Variants in SEPTIN7 observed in about 807,000 individuals in gnomAD.
The protein encoded by SEPTIN7 is septin 7, also known as septin-7.
SEPTIN7 carries 10 observed loss-of-function variants against 63.3 expected under a neutral mutation model. That is an observed-to-expected ratio of 0.16 (90% confidence interval 0.10 to 0.27). SEPTIN7 has a LOEUF of 0.27. SEPTIN7 is among the 10% of genes least tolerant of loss of function. The pLI is 1.00. For missense variants in SEPTIN7, 310 were observed against 521.0 expected (o/e 0.59, Z 3.94); for synonymous variants, 131 against 165.3 (o/e 0.79, Z 1.59).
chr7:35,886,194 T>C (rs1415574840), intron 10 of SEPTIN7, among the ~76,000 whole-genome samples: 4 of 152,206 alleles, frequency 2.6e-5, no homozygotes, highest in African/African-American at 9.7e-5. Flanking sequence ...GTGAAAACCT[T>C]GTGAAAACTA....
At chr7:35,860,457 T>G (rs1198328095) in intron 3 of SEPTIN7, among the ~76,000 whole-genome samples, 1 of 152,206 alleles carries the variant, frequency 6.6e-6, no homozygotes, top group Non-Finnish European at 1.5e-5. Context: ...ATCTTTATAT[T>G]GCTTTGAGTT....
At chr7:35,819,289 T>G (rs1789268414) in intron 1 of SEPTIN7, among the ~76,000 whole-genome samples, 1 of 152,172 alleles carries the variant, frequency 6.6e-6, no homozygotes, top group Non-Finnish European at 1.5e-5. Flanking sequence ...ATTTCTAACT[T>G]CATTCTCTAG....
intron 1 of SEPTIN7, among the ~76,000 whole-genome samples, chr7:35,829,022 T>C (rs1288162913): frequency 6.6e-6 from 1 of 152,128 alleles, no homozygotes; most frequent in African/African-American, 2.4e-5. Flanking sequence ...TACTTCCTAC[T>C]TTGGCTGAGT....
intron 4 of SEPTIN7, among the ~76,000 whole-genome samples, chr7:35,871,759 G>T (rs1191031580): frequency 3.3e-5 from 5 of 152,166 alleles, no homozygotes; most frequent in African/African-American, 1.2e-4. Flanking sequence ...ATAAGGACTT[G>T]TTATCCTTAT....
intron 3 of SEPTIN7, among the ~76,000 whole-genome samples, chr7:35,849,265 A>G (rs1303622808): frequency 6.6e-6 from 1 of 152,156 alleles, no homozygotes; most frequent in Non-Finnish European, 1.5e-5. Flanking sequence ...TTTTGGCACC[A>G]GGGACTGGTT....
At chr7:35,815,252 A>G in intron 1 of SEPTIN7, 1 of 374,994 alleles carries the variant, frequency 2.7e-6, no homozygotes, top group Non-Finnish European at 5.2e-6. Flanking sequence ...AGTGATTAAG[A>G]ACCAAGATCT....
intron 3 of SEPTIN7, chr7:35,847,865 T>A (rs1466018143): frequency 6.6e-6 from 1 of 152,228 alleles, no homozygotes; most frequent in Non-Finnish European, 1.5e-5. Flanking sequence ...AAAGAATCTA[T>A]AGGTTATCTA....
chr7:35,861,413 ACACTGGCTGTGTAC>A (rs1785502819), intron 3 of SEPTIN7, among the ~76,000 whole-genome samples: 1 of 152,182 alleles, frequency 6.6e-6, no homozygotes, highest in Non-Finnish European at 1.5e-5. Context: ...CTTCAGTTGC[ACACTGGCTGTGTAC>A]TACTGGGGCA....
At chr7:35,841,463 AAC>A (rs1272590396) in intron 3 of SEPTIN7, among the ~76,000 whole-genome samples, 2 of 152,138 alleles carry the variant, frequency 1.3e-5, no homozygotes, top group Non-Finnish European at 2.9e-5. Context: ...AGTGTCGAAA[AAC>A]ACAGCTATCC....
chr7:35,865,611 G>A (rs944527048), intron 4 of SEPTIN7, among the ~76,000 whole-genome samples: 2 of 151,392 alleles, frequency 1.3e-5, no homozygotes, highest in Admixed American at 6.6e-5. Context: ...GGCACTCATT[G>A]CTGTTGTGTG....
intron 3 of SEPTIN7, among the ~76,000 whole-genome samples, chr7:35,853,050 G>C (rs1389185624): frequency 6.6e-6 from 1 of 152,126 alleles, no homozygotes; most frequent in East Asian, 1.9e-4. Flanking sequence ...CAAGATTAAA[G>C]GCTGTTGAAC....
intron 3 of SEPTIN7, among the ~76,000 whole-genome samples, chr7:35,840,224 C>CCCCCCTTT (rs1308976451): frequency 4.5e-5 from 4 of 88,596 alleles, no homozygotes; most frequent in Admixed American, 1.2e-4. Context: ...CTCCCCCCTT[C>CCCCCCTTT]CCCCCTTTCC....
chr7:35,872,685 T>A lies in SEPTIN7; in HGVS notation c.296T>A (p.Leu99Ter). ...KTVQVEQSKVLIKEGGVQLLL... is the reference protein window; with the variant it reads ...KTVQVEQSKV ...TTACAGGTGGAACAATCCAAAGTTT[T>A]AATCAAAGAAGGTGGTGTTCAGTTG... is the stretch of plus-strand genomic sequence containing the variant. The change falls in exon 5 of 14, where the codon TTA becomes TAA. Residue 99 changes from leucine (L) to a stop codon, truncating the protein, a stop_gained. Transcript: ENST00000350320. LOFTEE classifies it high-confidence loss of function. 6.2e-7 allele frequency: 1 copy of A among 1,612,234 alleles called. No homozygotes were observed. Among genetic ancestry groups the A allele is most frequent in the Non-Finnish European group, 8.5e-7 (1 of 1,178,464 alleles).
At chr7:35,830,592 C>T (rs547995623) in intron 1 of SEPTIN7, among the ~76,000 whole-genome samples, 4 of 152,162 alleles carry the variant, frequency 2.6e-5, no homozygotes, top group South Asian at 4.2e-4. Flanking sequence ...TGAGGAAGTT[C>T]GGAAGTCATT....
In SEPTIN7 at chr7:35,832,794, T is replaced by C. The variant is rs755177179; in HGVS notation, c.67-4T>C. 4.4e-6 allele frequency: 7 copies of C among 1,586,856 alleles called. No homozygotes were observed. Among genetic ancestry groups the C allele is most frequent in the Non-Finnish European group, 6.1e-6 (7 of 1,155,480 alleles). ...AATAACTTGGCCCTTTTTGCTTTTGTCAGCAACAGAAGAACCTTGAAGGCT... is the reference window on the plus strand; with the variant it reads ...AATAACTTGGCCCTTTTTGCTTTTGCCAGCAACAGAAGAACCTTGAAGGCT... On this transcript the variant is annotated splice_region_variant and splice_polypyrimidine_tract_variant and intron_variant, in intron 2 of 13. Coordinates refer to ENST00000350320, the MANE Select transcript of SEPTIN7 (RefSeq NM_001788.6).
chr7:35,848,003 A>G (rs1444195046), intron 3 of SEPTIN7: 1 of 152,188 alleles, frequency 6.6e-6, no homozygotes, highest in Non-Finnish European at 1.5e-5. Context: ...TTAGATATCC[A>G]GGTAAAATAA....
At chr7:35,835,360 G>T (rs1330709673) in intron 3 of SEPTIN7, among the ~76,000 whole-genome samples, 1 of 152,140 alleles carries the variant, frequency 6.6e-6, no homozygotes, top group East Asian at 1.9e-4. Flanking sequence ...TTATGTGCCA[G>T]GTAATGTTTT....
At chr7:35,879,703 C>A in intron 6 of SEPTIN7, 120 bp from the exon 7 acceptor site, 2 of 661,798 alleles carry the variant, frequency 3.0e-6, no homozygotes, top group Non-Finnish European at 5.5e-6. Flanking sequence ...AATACATCTT[C>A]AGAGTGTTTC....
intron 3 of SEPTIN7, among the ~76,000 whole-genome samples, chr7:35,838,032 G>A (rs905250032): frequency 4.0e-5 from 6 of 151,888 alleles, no homozygotes; most frequent in Non-Finnish European, 7.4e-5. Flanking sequence ...CCTGGCCGTC[G>A]CAAGTTATTG....
Sources: gnomAD v4.1 joint callset for allele counts (sites outside exome capture counted in the v4.1 genomes callset) on GRCh38, gnomAD v4.1.1 for gene constraint, MANE v1.5 for transcripts, NCBI Gene and HGNC (gene_info 2026-07-23, HGNC 2026-07-21) for gene names.